FAM193A: variants seen among roughly 807,000 people sequenced by gnomAD.
The protein encoded by FAM193A is protein FAM193A.
Under a neutral mutation model 126.5 loss-of-function variants are expected in FAM193A, and 22 were observed. That is an observed-to-expected ratio of 0.17 (90% CI 0.12 to 0.25). FAM193A has a LOEUF of 0.25. Among genes scored for constraint, FAM193A ranks in the 10% least tolerant of loss-of-function variants. FAM193A has a pLI of 1.00. For synonymous variants in FAM193A, 761 were observed against 646.8 expected, an observed-to-expected ratio of 1.18 and a Z score of -2.68; for missense variants, 1,675 against 1,672.8, an observed-to-expected ratio of 1.00 and a Z score of -0.02.
Position 2,663,282 on chromosome 4 carries a change from A to C in FAM193A, c.2073A>C (p.Thr691=). The C allele has an allele frequency of 6.3e-7, 1 of 1,575,628 alleles. No individual in the cohort carries two copies. The highest frequency in any genetic ancestry group is 8.6e-7 in the Non-Finnish European group (1 of 1,164,056). ...KADSPPPSYP[T]QQAEQAPNTC... is the part of the protein sequence containing the mutation. ...ACAGTCCACCCCCATCCTACCCAAC[A>C]CAGCAGGTAGGACTTTGCTTGCTGT... The change falls in exon 12 of 21, where the codon ACA becomes ACC. Residue 691 remains threonine, a synonymous_variant. Transcript: ENST00000637812.
At chr4:2,594,709 C>T (rs190674120) in intron 1 of FAM193A, among the ~76,000 whole-genome samples, 151 of 151,834 alleles carry the variant, frequency 9.9e-4, no homozygotes, top group Non-Finnish European at 1.7e-3. Context: ...TGGGTTGATA[C>T]GGGTTAAAAA....
intron 20 of FAM193A, among the ~76,000 whole-genome samples, 161 bp downstream of exon 20, chr4:2,716,265 C>CCA (rs952298077): frequency 6.6e-6 from 1 of 152,208 alleles, no homozygotes; most frequent in Non-Finnish European, 1.5e-5. Context: ...GACAGGCCAG[C>CCA]CACACACACC....
chr4:2,721,737 C>A (rs1188299911), intron 20 of FAM193A, among the ~76,000 whole-genome samples: 1 of 152,206 alleles, frequency 6.6e-6, no homozygotes, highest in African/African-American at 2.4e-5. Flanking sequence ...GTTTGGCAGA[C>A]TCTAGCAAAA....
intron 6 of FAM193A, among the ~76,000 whole-genome samples, chr4:2,642,164 C>T (rs1403149380): frequency 6.7e-6 from 1 of 149,350 alleles, no homozygotes; most frequent in African/African-American, 2.5e-5. Context: ...ATTAGCTGGG[C>T]ATGGTGGCGG....
intron 19 of FAM193A, among the ~76,000 whole-genome samples, chr4:2,715,652 C>T (rs1019828388): frequency 6.6e-6 from 1 of 152,142 alleles, no homozygotes; most frequent in African/African-American, 2.4e-5. Context: ...CCAACGGAGA[C>T]TTAGGGCAGT....
intron 10 of FAM193A, among the ~76,000 whole-genome samples, chr4:2,660,324 C>G (rs76415525): frequency 0.017 from 2,639 of 152,174 alleles, 60 homozygotes; most frequent in African/African-American, 0.051. Flanking sequence ...TCTCTAATTC[C>G]GGCCTCACAT....
intron 13 of FAM193A, among the ~76,000 whole-genome samples, chr4:2,685,634 A>G (rs1715649596): frequency 6.6e-6 from 1 of 152,170 alleles, no homozygotes. Flanking sequence ...CCTTTTCGTT[A>G]CTGGGGATAC....
At chr4:2,599,504 A>G (rs761778379) in intron 2 of FAM193A, among the ~76,000 whole-genome samples, 4 of 152,188 alleles carry the variant, frequency 2.6e-5, no homozygotes, top group Non-Finnish European at 4.4e-5. Flanking sequence ...TCTTCTAGAT[A>G]AGCATTCTGT....
At chr4:2,714,909 C>G (rs113091388) in intron 19 of FAM193A, among the ~76,000 whole-genome samples, 17 of 152,258 alleles carry the variant, frequency 1.1e-4, no homozygotes, top group African/African-American at 3.6e-4. Context: ...CTGCACCCCC[C>G]CAACCCCGCC....
intron 1 of FAM193A, among the ~76,000 whole-genome samples, chr4:2,565,226 A>G (rs1348407121): frequency 6.8e-6 from 1 of 147,826 alleles, no homozygotes; most frequent in Non-Finnish European, 1.5e-5. Context: ...TTTGTGGGAA[A>G]ACTGGATATA....
At chr4:2,653,553 C>T (rs1745879486) in intron 7 of FAM193A, among the ~76,000 whole-genome samples, 1 of 152,112 alleles carries the variant, frequency 6.6e-6, no homozygotes, top group African/African-American at 2.4e-5. Flanking sequence ...AAGCAATTCT[C>T]CTGCCTCAGC....
intron 1 of FAM193A, among the ~76,000 whole-genome samples, chr4:2,570,001 C>T (rs993680530): frequency 2.0e-5 from 3 of 151,738 alleles, no homozygotes; most frequent in Non-Finnish European, 2.9e-5. Flanking sequence ...GTTTGAACCA[C>T]ACTGTTAGGG....
At chr4:2,682,264 G>T (rs980194088) in intron 13 of FAM193A, among the ~76,000 whole-genome samples, 1 of 152,050 alleles carries the variant, frequency 6.6e-6, no homozygotes, top group Non-Finnish European at 1.5e-5. Context: ...GATTACAGGC[G>T]CGAGCCACCT....
intron 1 of FAM193A, among the ~76,000 whole-genome samples, chr4:2,538,592 CA>C (rs1344757112): frequency 6.8e-6 from 1 of 147,214 alleles, no homozygotes; most frequent in African/African-American, 2.5e-5. Flanking sequence ...GAGATCAAAA[CA>C]GGCCGCAGTT....
intron 13 of FAM193A, among the ~76,000 whole-genome samples, chr4:2,672,665 A>T (rs1321639871): frequency 1.3e-5 from 2 of 152,236 alleles, no homozygotes; most frequent in Admixed American, 6.5e-5. Context: ...AAACCTAGGG[A>T]ATATTTCCAC....
In FAM193A at chr4:2,646,824, G is replaced by C. The variant is rs151258029; in HGVS notation, c.1303G>C (p.Asp435His). 6.2e-7 allele frequency: 1 copy of C among 1,612,030 alleles called. No individual in the cohort carries two copies. Among genetic ancestry groups the C allele is most frequent in the African/African-American group, 1.3e-5 (1 of 74,988 alleles). The change falls in exon 7 of 21, where the codon GAC (aspartate) becomes CAC (histidine). Residue 435 changes from aspartate to histidine, a missense_variant. Asp to His is a moderately conservative substitution (Grantham distance 81). Transcript: ENST00000637812. ...ECQKRIDAYV[D>H]EQMTMKTKQR... ...CCAGAAGAGGATCGACGCCTATGTC[G>C]ACGAGCAGGTGAGTGCCACCCGGGA... is the stretch of plus-strand genomic sequence containing the variant.
intron 2 of FAM193A, among the ~76,000 whole-genome samples, chr4:2,620,447 G>C (rs149027140): frequency 7.6e-4 from 115 of 152,298 alleles, no homozygotes; most frequent in Non-Finnish European, 1.3e-3. Context: ...TCAGATAGCA[G>C]TTTAATAGAG....
At chr4:2,657,732 A>T (rs1433961219) in intron 7 of FAM193A, 71 bp from the exon 8 acceptor site, 2 of 961,512 alleles carry the variant, frequency 2.1e-6, no homozygotes, top group Non-Finnish European at 3.2e-6. Context: ...CTCCTCTTGA[A>T]AATGTCTTGT....
chr4:2,585,464 G>T (rs1740181502), intron 1 of FAM193A, among the ~76,000 whole-genome samples: 1 of 152,122 alleles, frequency 6.6e-6, no homozygotes, highest in African/African-American at 2.4e-5. Context: ...TGTGATATCT[G>T]TGACATATGT....
Sources: gnomAD v4.1 joint callset for allele counts (sites outside exome capture counted in the v4.1 genomes callset) on GRCh38, gnomAD v4.1.1 for gene constraint, MANE v1.5 for transcripts, NCBI Gene and HGNC (gene_info 2026-07-23, HGNC 2026-07-21) for gene names.